The following TOR1AIP2 variants were observed in gnomAD, a reference collection of about 807,000 sequenced individuals.
The protein encoded by TOR1AIP2 is torsin-1A-interacting protein 2.
In TOR1AIP2, 20 loss-of-function variants were observed where a neutral mutation model predicts 32.6. That is an observed-to-expected ratio of 0.61 (90% CI 0.43 to 0.89). The LOEUF (loss-of-function observed/expected upper bound fraction) is 0.89, where lower values mean the gene tolerates loss of function less well. Ranked by LOEUF, TOR1AIP2 falls within the 40% of genes least tolerant of loss-of-function variation. The pLI is 0.00. For missense variants in TOR1AIP2, 456 were observed against 553.8 expected (o/e 0.82, Z 1.77); for synonymous variants, 214 against 210.8 (o/e 1.02, Z -0.13).
At chr1:179,857,117 C>A (rs1342608208) in intron 3 of TOR1AIP2, among the ~76,000 whole-genome samples, 6 of 152,248 alleles carry the variant, frequency 3.9e-5, no homozygotes, top group African/African-American at 1.4e-4. Flanking sequence ...CTACAAGGAA[C>A]TGATGAGACC....
At chr1:179,849,052 C>A (rs1299685) in intron 5 of TOR1AIP2, among the ~76,000 whole-genome samples, 10,862 of 151,922 alleles carry the variant, frequency 0.071, 516 homozygotes, top group African/African-American at 0.13. Context: ...AGGAGAATGG[C>A]GTGAATCCGG....
intron 3 of TOR1AIP2, chr1:179,860,041 TCTCA>T (rs1438342861): frequency 1.1e-5 from 8 of 750,924 alleles, no homozygotes; most frequent in Non-Finnish European, 1.3e-5. Flanking sequence ...GAGTTGGGGG[TCTCA>T]CTATGTTGCT....
chr1:179,859,405 T>G (rs1696427008), intron 3 of TOR1AIP2: 1 of 985,240 alleles, frequency 1.0e-6, no homozygotes, highest in African/African-American at 1.7e-5. Flanking sequence ...TCAGGTAGTC[T>G]AGCTGTGGGA....
At chr1:179,862,263 A>T in intron 3 of TOR1AIP2, 1 of 978,150 alleles carries the variant, frequency 1.0e-6, no homozygotes, top group Non-Finnish European at 1.2e-6. Context: ...TTCTTAGTAT[A>T]TGTCCTTGTA....
chr1:179,855,273 T>C (rs536615244), intron 3 of TOR1AIP2, among the ~76,000 whole-genome samples: 18 of 152,140 alleles, frequency 1.2e-4, no homozygotes, highest in African/African-American at 4.3e-4. Flanking sequence ...ACACAAGGTA[T>C]CAAAATTAAA....
At chr1:179,860,490 A>AAAAC in intron 3 of TOR1AIP2, 1 of 985,500 alleles carries the variant, frequency 1.0e-6, no homozygotes, top group Non-Finnish European at 1.2e-6. Flanking sequence ...TCAAAAAAAC[A>AAAAC]AAACAAAACA....
At chr1:179,861,828 T>A (rs1051572339) in intron 3 of TOR1AIP2, 1 of 967,226 alleles carries the variant, frequency 1.0e-6, no homozygotes, top group African/African-American at 1.8e-5. Context: ...AGCACCTGCA[T>A]CAGAATCTCC....
rs771823718 is a variant in TOR1AIP2 at position 179,852,677 on chromosome 1, A to C, written c.-12T>G. The C allele has an allele frequency of 5.0e-6, 8 of 1,614,004 alleles. No individual in the cohort carries two copies. The highest frequency in any genetic ancestry group is 5.1e-6 in the Non-Finnish European group (6 of 1,179,948). ...CCACTGTCGGCCATGTTTGTGTTCT[A>C]TCTCTTCAGAGTTGGGAGGATACTT... is the stretch of plus-strand genomic sequence containing the variant. On this transcript the variant is annotated 5_prime_UTR_variant, in exon 4 of 7. Transcript: ENST00000609928.
At chr1:179,863,951 A>G (rs1358130204) in intron 3 of TOR1AIP2, 23 of 985,426 alleles carry the variant, frequency 2.3e-5, no homozygotes, top group Non-Finnish European at 2.7e-5. Flanking sequence ...TGCTTCCTCT[A>G]GACTGTTCAT....
Position 179,852,789 on chromosome 1 carries a change from G to A in TOR1AIP2, c.-124C>T, listed in dbSNP as rs1696166571. 1 of 1,552,346 alleles carries A rather than the reference G, an allele frequency of 6.4e-7. No individual in the cohort carries two copies. Among genetic ancestry groups the A allele is most frequent in the Non-Finnish European group, 8.7e-7 (1 of 1,147,724 alleles). On this transcript the variant is annotated 5_prime_UTR_variant, in exon 4 of 7. Transcript: ENST00000609928. ...AGACTCATGCTTCCCATGGACCCAG[G>A]AAATAAGGCATATATACAGTGACTA...
At position 179,846,766 on chromosome 1, in the gene TOR1AIP2, A is replaced by T. The variant is rs752868213; in HGVS notation, c.718T>A (p.Ser240Thr). Residue 240 changes from serine (S) to threonine (T), a missense_variant, in exon 7 of 7, where the codon TCC becomes ACC. Ser to Thr is a moderately conservative substitution (Grantham distance 58). Coordinates refer to ENST00000609928, the MANE Select transcript of TOR1AIP2 (RefSeq NM_001199260.2). ...TTGGGCACTTGCTGGGCTGGAGAGG[A>T]ATAGTAGCTATTCACAGAACTTGCC... ...VVASSVNSYY[S>T]SPAQQVPKNP... 6.2e-7 allele frequency: 1 copy of T among 1,613,722 alleles called. No individual in the cohort carries two copies.
At chr1:179,871,892 G>C (rs1697024553) in intron 2 of TOR1AIP2, among the ~76,000 whole-genome samples, 1 of 152,066 alleles carries the variant, frequency 6.6e-6, no homozygotes, top group Non-Finnish European at 1.5e-5. Context: ...TCTTCTTTTT[G>C]AATTCATATA....
rs1425702995 is a variant in TOR1AIP2 at position 179,844,816 on chromosome 1, T to A, written c.*1255A>T. 1 of 152,230 alleles carries A rather than the reference T, an allele frequency of 6.6e-6. No homozygotes were observed. Among genetic ancestry groups the A allele is most frequent in the Non-Finnish European group, 1.5e-5 (1 of 68,030 alleles). The allele number at this position is 152,230 out of a possible 1,614,324, so 9.4% of individuals were successfully genotyped here. On this transcript the variant is annotated 3_prime_UTR_variant, in exon 7 of 7. Coordinates refer to ENST00000609928, the MANE Select transcript of TOR1AIP2 (RefSeq NM_001199260.2). ...CTGCATAGAAATAAACTGGTAAAGT[T>A]ATGCCAAATGTTCATATAAAATTTA... is the stretch of plus-strand genomic sequence containing the variant.
chr1:179,862,338 G>C (rs1402235661), intron 3 of TOR1AIP2: 1 of 984,858 alleles, frequency 1.0e-6, no homozygotes, highest in South Asian at 4.7e-5. Flanking sequence ...TACTATTCTC[G>C]AAAGCACTCT....
In TOR1AIP2 at chr1:179,852,709, G is replaced by A; in HGVS notation, c.-44C>T. On this transcript the variant is annotated 5_prime_UTR_variant, in exon 4 of 7. Coordinates refer to ENST00000609928, the MANE Select transcript of TOR1AIP2 (RefSeq NM_001199260.2). ...CAGAGTTGGGAGGATACTTTTTTTA[G>A]TACTTGGTTTTCCTTGTGAAGATGT... The A allele has an allele frequency of 6.2e-7, 1 of 1,613,398 alleles. No homozygotes were observed. The highest frequency in any genetic ancestry group is 8.5e-7 in the Non-Finnish European group (1 of 1,179,598).
intron 3 of TOR1AIP2, among the ~76,000 whole-genome samples, chr1:179,853,177 T>C (rs1175602689): frequency 6.6e-6 from 1 of 152,240 alleles, no homozygotes; most frequent in East Asian, 1.9e-4. Context: ...CCTGGATGTC[T>C]TCAATTTCTG....
At chr1:179,858,140 G>A (rs1329120715) in intron 3 of TOR1AIP2, among the ~76,000 whole-genome samples, 1 of 151,566 alleles carries the variant, frequency 6.6e-6, no homozygotes, top group Non-Finnish European at 1.5e-5. Context: ...GAGTGACCCT[G>A]TCTCGGGGGA....
chr1:179,844,741 T>A lies in TOR1AIP2; in HGVS notation c.*1330A>T, dbSNP rs769104045. ...CTCTAATTTTTAACCTAATGGTACTTCTATAACTAGTTGGTCAAGAAATGA... is the reference window on the plus strand; with the variant it reads ...CTCTAATTTTTAACCTAATGGTACTACTATAACTAGTTGGTCAAGAAATGA... On this transcript the variant is annotated 3_prime_UTR_variant, in exon 7 of 7. Transcript: ENST00000609928. 1.1e-4 allele frequency: 16 copies of A among 152,354 alleles called. No individual in the cohort carries two copies. In the South Asian group the frequency reaches 1.5e-3, roughly 14 times the overall value. The allele number at this position is 152,354 out of a possible 1,614,324, so 9.4% of individuals were successfully genotyped here. A position where few individuals can be genotyped will look rare whatever the true frequency, so the allele number is the denominator to read the frequency against.
intron 2 of TOR1AIP2, among the ~76,000 whole-genome samples, chr1:179,870,417 T>G (rs944038816): frequency 4.6e-5 from 7 of 152,154 alleles, no homozygotes; most frequent in African/African-American, 1.7e-4. Flanking sequence ...AAAAAATTTT[T>G]TTTACATACA....
Sources: gnomAD v4.1 joint callset for allele counts (sites outside exome capture counted in the v4.1 genomes callset) on GRCh38, gnomAD v4.1.1 for gene constraint, MANE v1.5 for transcripts, NCBI Gene and HGNC (gene_info 2026-07-23, HGNC 2026-07-21) for gene names.